Variants in MCTP1 observed in about 807,000 individuals in gnomAD.
The protein encoded by MCTP1 is multiple C2 and transmembrane domain-containing protein 1.
Under a neutral mutation model 120.6 loss-of-function variants are expected in MCTP1, and 69 were observed. That is an observed-to-expected ratio of 0.57 (90% confidence interval 0.47 to 0.70). MCTP1 has a LOEUF of 0.70. Ranked by LOEUF, MCTP1 falls within the 30% of genes least tolerant of loss-of-function variation. The probability of loss-of-function intolerance (pLI) is 0.00; values close to 1 mark genes in which losing one functional copy is unlikely to be tolerated. For synonymous variants in MCTP1, 529 were observed against 493.1 expected (o/e 1.07, Z -0.96); for missense variants, 1,203 against 1,248.8 (o/e 0.96, Z 0.55).
intron 18 of MCTP1, among the ~76,000 whole-genome samples, chr5:94,788,366 G>T (rs1031512465): frequency 3.9e-5 from 6 of 152,036 alleles, no homozygotes; most frequent in South Asian, 2.1e-4. Context: ...CTCATACAAC[G>T]CTTTAAAAAA....
chr5:95,103,410 A>C (rs1359487276), intron 1 of MCTP1, among the ~76,000 whole-genome samples: 1 of 152,144 alleles, frequency 6.6e-6, no homozygotes, highest in Non-Finnish European at 1.5e-5. Context: ...TATATGGGAG[A>C]CTGCAAATGC....
chr5:95,244,261 C>A (rs917026646), intron 1 of MCTP1, among the ~76,000 whole-genome samples: 1 of 152,198 alleles, frequency 6.6e-6, no homozygotes, highest in Non-Finnish European at 1.5e-5. Flanking sequence ...CCAGCAAGAT[C>A]GACGCAGATG....
intron 1 of MCTP1, among the ~76,000 whole-genome samples, chr5:95,277,167 C>T (rs988076909): frequency 2.0e-5 from 3 of 152,006 alleles, no homozygotes; most frequent in African/African-American, 7.2e-5. Context: ...GACTTGGGTG[C>T]GAAAAATGGA....
chr5:95,110,300 C>A (rs1757362897), intron 1 of MCTP1, among the ~76,000 whole-genome samples: 2 of 151,998 alleles, frequency 1.3e-5, no homozygotes, highest in Non-Finnish European at 2.9e-5. Flanking sequence ...CCTCTTGCAT[C>A]TAGGTGGGGC....
intron 1 of MCTP1, among the ~76,000 whole-genome samples, chr5:95,140,106 G>A (rs1759782851): frequency 6.6e-6 from 1 of 152,168 alleles, no homozygotes. Context: ...ACAAGATTTG[G>A]AATTGCAGAA....
At chr5:95,271,232 A>G (rs59694898) in intron 1 of MCTP1, among the ~76,000 whole-genome samples, 1,731 of 152,312 alleles carry the variant, frequency 0.011, 19 homozygotes, top group South Asian at 0.03. Flanking sequence ...AGTGTAAGAA[A>G]TGTTTTTCAA....
intron 1 of MCTP1, among the ~76,000 whole-genome samples, chr5:95,074,125 A>T (rs956651668): frequency 6.6e-6 from 1 of 152,248 alleles, no homozygotes; most frequent in Admixed American, 6.5e-5. Context: ...CAAGAAAAAA[A>T]AGAAAAAAAA....
chr5:94,966,743 C>T (rs1332328549), intron 2 of MCTP1, among the ~76,000 whole-genome samples: 9 of 151,452 alleles, frequency 5.9e-5, no homozygotes, highest in Non-Finnish European at 7.4e-5. Flanking sequence ...TGCAGTGAGC[C>T]GAGACTGTGC....
intron 1 of MCTP1, among the ~76,000 whole-genome samples, chr5:95,110,267 C>T (rs1757360283): frequency 6.6e-6 from 1 of 151,976 alleles, no homozygotes; most frequent in African/African-American, 2.4e-5. Context: ...TGCTAGAAAG[C>T]AGCCACCCAG....
intron 2 of MCTP1, among the ~76,000 whole-genome samples, chr5:94,988,476 A>C (rs977577): frequency 0.13 from 19,789 of 152,142 alleles, 2,190 homozygotes; most frequent in African/African-American, 0.3. Flanking sequence ...ATATTTTTCA[A>C]ATGCTAATGT....
intron 19 of MCTP1, among the ~76,000 whole-genome samples, chr5:94,753,145 A>T (rs1436949476): frequency 2.6e-5 from 4 of 152,176 alleles, no homozygotes; most frequent in African/African-American, 9.7e-5. Context: ...ACAGTGGAGG[A>T]GTGCATATGG....
chr5:94,984,807 A>G (rs142476760), intron 2 of MCTP1, among the ~76,000 whole-genome samples: 1 of 152,188 alleles, frequency 6.6e-6, no homozygotes, highest in Non-Finnish European at 1.5e-5. Flanking sequence ...TAAATCACCT[A>G]AGAACACATT....
At chr5:95,048,898 T>C (rs1004600021) in intron 1 of MCTP1, among the ~76,000 whole-genome samples, 19 of 152,288 alleles carry the variant, frequency 1.2e-4, no homozygotes, top group African/African-American at 4.6e-4. Context: ...CAAAGAGCTC[T>C]TGATGCTTCA....
intron 2 of MCTP1, among the ~76,000 whole-genome samples, chr5:95,008,807 A>G (rs1835280160): frequency 6.6e-6 from 1 of 152,150 alleles, no homozygotes; most frequent in Non-Finnish European, 1.5e-5. Flanking sequence ...AGATGGAGTC[A>G]GAGATTACAG....
chr5:94,715,618 T>C (rs1758936270), intron 19 of MCTP1, among the ~76,000 whole-genome samples: 2 of 152,246 alleles, frequency 1.3e-5, no homozygotes, highest in Middle Eastern at 3.4e-3. Context: ...TGGGTAGAGA[T>C]TGAGCATTAA....
At chr5:94,922,501 T>A (rs1811929142) in intron 7 of MCTP1, among the ~76,000 whole-genome samples, 1 of 150,030 alleles carries the variant, frequency 6.7e-6, no homozygotes, top group Non-Finnish European at 1.5e-5. Flanking sequence ...CCCCCTTTTT[T>A]TTTTGAAATG....
At chr5:95,147,252 A>AT (rs1478770549) in intron 1 of MCTP1, among the ~76,000 whole-genome samples, 2 of 151,638 alleles carry the variant, frequency 1.3e-5, no homozygotes, top group Non-Finnish European at 2.9e-5. Flanking sequence ...TGCCTGGCTA[A>AT]TTTTTTTGTA....
At chr5:95,005,585 G>A (rs1834550772) in intron 2 of MCTP1, among the ~76,000 whole-genome samples, 1 of 152,104 alleles carries the variant, frequency 6.6e-6, no homozygotes, top group Admixed American at 6.6e-5. Flanking sequence ...GTTCTCAAGA[G>A]ATCTAGTTGT....
Position 94,940,128 on chromosome 5 carries a change from G to A in MCTP1, c.1129C>T (p.Leu377Phe). ...TCTTTAGGGGTAAGGATGACTGAGA[G>A]CAAAATGATTCCAAGATCATGGTCA... ...YPDHDLGIIL[L>F]SVILTPKEGE... Residue 377 changes from leucine to phenylalanine, a missense_variant, in exon 5 of 23, where the codon CTC becomes TTC. Physicochemically the swap from Leu to Phe is conservative, Grantham distance 22 (BLOSUM62 0). Coordinates refer to ENST00000515393, the MANE Select transcript of MCTP1 (RefSeq NM_024717.7). 1.2e-6 allele frequency: 2 copies of A among 1,610,006 alleles called. No homozygotes were observed. The highest frequency in any genetic ancestry group is 8.5e-7 in the Non-Finnish European group (1 of 1,177,254).
Sources: allele counts gnomAD v4.1 joint callset (sites outside exome capture counted in the v4.1 genomes callset), GRCh38; gene constraint gnomAD v4.1.1; transcripts MANE v1.5; gene names NCBI Gene and HGNC (gene_info 2026-07-23, HGNC 2026-07-21).